TEP1: variants seen among roughly 807,000 people sequenced by gnomAD.
TEP1 encodes telomerase associated protein 1, also known as telomerase protein component 1.
Under a neutral mutation model 306.3 loss-of-function variants are expected in TEP1, and 241 were observed. The ratio of observed to expected loss-of-function variants is 0.79; its 90% CI spans 0.71 to 0.88. The LOEUF (loss-of-function observed/expected upper bound fraction) is 0.88. TEP1 is among the 40% of genes least tolerant of loss of function. The pLI is 0.00. For synonymous variants in TEP1, 1,289 were observed against 1,305.5 expected, an observed-to-expected ratio of 0.99 and a Z score of 0.27; for missense variants, 3,051 against 3,276.1, an observed-to-expected ratio of 0.93 and a Z score of 1.68.
chr14:20,386,686 C>A (rs1877191891), intron 18 of TEP1, 63 bp from the exon 19 acceptor site: 2 of 1,478,944 alleles, frequency 1.4e-6, no homozygotes, highest in Non-Finnish European at 1.8e-6. Flanking sequence ...TCCATAGACA[C>A]TGCTGTGATC....
intron 42 of TEP1, 105 bp downstream of exon 42, chr14:20,375,999 T>G: frequency 6.6e-7 from 1 of 1,512,408 alleles, no homozygotes. Flanking sequence ...TATACTAGAT[T>G]TGGCAAAACA....
intron 1 of TEP1, among the ~76,000 whole-genome samples, chr14:20,412,154 C>T (rs1349115731): frequency 2.6e-5 from 4 of 152,154 alleles, no homozygotes; most frequent in Non-Finnish European, 4.4e-5. Context: ...CACTGGACGT[C>T]AGTGTGACAA....
At position 20,365,894 on chromosome 14, in the gene TEP1, T is replaced by C. The variant is rs1378760253; in HGVS notation, c.*2543A>G. 1 of 152,240 alleles carries C rather than the reference T, an allele frequency of 6.6e-6. No homozygotes were observed. The highest frequency in any genetic ancestry group is 6.5e-5 in the Admixed American group (1 of 15,280). 9.4% of individuals were successfully genotyped at this position (152,240 alleles called of 1,614,324 possible). On this transcript the variant is annotated 3_prime_UTR_variant, in exon 55 of 55. Coordinates refer to ENST00000262715, the MANE Select transcript of TEP1 (RefSeq NM_007110.5). ...TTGGTATATAAAAAAGATGCTTTTCTAGATGGGTAGAAGAAAAGATTGTTC... is the reference window on the plus strand; with the variant it reads ...TTGGTATATAAAAAAGATGCTTTTCCAGATGGGTAGAAGAAAAGATTGTTC...
Position 20,409,971 on chromosome 14 carries a change from C to G in TEP1, c.-24-1508G>C, listed in dbSNP as rs141772830. On this transcript the variant is annotated intron_variant, in intron 1 of 54. Transcript: ENST00000262715. ...AGGGAGGCGGAGCTTGCAGTGAGCC[C>G]AGATTGGCCACTGCACTCCAGCCTG... Among the ~76,000 whole-genome samples the G allele has an allele frequency of 1.9e-3, 254 of 130,516 alleles. 4 individuals carry two copies. In the Middle Eastern group the frequency reaches 0.052, roughly 26 times the overall value. The allele number at this position is 130,516 out of a possible 152,430, so 85.6% of individuals were successfully genotyped here.
chr14:20,384,104 C>T lies in TEP1; in HGVS notation c.3468G>A (p.Leu1156=), dbSNP rs1195505075. 6.2e-7 allele frequency: 1 copy of T among 1,613,906 alleles called. No homozygotes were observed. Among genetic ancestry groups the T allele is most frequent in the Non-Finnish European group, 8.5e-7 (1 of 1,180,034 alleles). The change falls in exon 24 of 55, where the codon CTG becomes CTA. Residue 1156 remains leucine (L), a synonymous_variant. Transcript: ENST00000262715. The part of the protein sequence containing the change: ...PRLLQDTVQR[L]MLPHGRLSLV... ...GGCTCAGCCTTCCGTGGGGCAGCATCAGCCGTTGCACTGTGTCCTGAAGAA... is the reference window on the plus strand; with the variant it reads ...GGCTCAGCCTTCCGTGGGGCAGCATTAGCCGTTGCACTGTGTCCTGAAGAA...
intron 13 of TEP1, 73 bp from the exon 14 acceptor site, chr14:20,391,169 G>T: frequency 6.7e-7 from 1 of 1,503,382 alleles, no homozygotes. Context: ...CAGCCCTGGA[G>T]GCCAAACCCT....
At chr14:20,390,887 C>T in intron 14 of TEP1, 51 bp downstream of exon 14, 1 of 1,612,318 alleles carries the variant, frequency 6.2e-7, no homozygotes, top group African/African-American at 1.3e-5. Flanking sequence ...GGGCTATTCC[C>T]AGGCCTGTGT....
rs555193519 is a variant in TEP1, at chr14:20,376,163, C to T, written c.6190G>A (p.Val2064Met). The T allele has an allele frequency of 9.9e-6, 16 of 1,614,122 alleles. No homozygotes were observed. The highest frequency in any genetic ancestry group is 1.7e-5 in the Admixed American group (1 of 60,016). ...GTELRGHEGPVSCCSFSTDGG... is the reference protein window; with the variant it reads ...GTELRGHEGPMSCCSFSTDGG... ...TCAGTGCTGAAACTACAGCAGCTCA[C>T]AGGGCCCTCATGTCCCCGCAGCTCA... Residue 2064 changes from valine (V) to methionine (M), a missense_variant, in exon 42 of 55, where the codon GTG becomes ATG. This residue lies in a region of TEP1 where 1,540 missense variants were observed against 1,705.9 expected (regional missense o/e 0.90). Transcript: ENST00000262715.
chr14:20,365,873 T>G lies in TEP1; in HGVS notation c.*2564A>C, dbSNP rs938365832. The G allele has an allele frequency of 6.6e-6, 1 of 152,214 alleles. No individual in the cohort carries two copies. The allele number at this position is 152,214 out of a possible 1,614,324, so 9.4% of individuals were successfully genotyped here. A position where few individuals can be genotyped will look rare whatever the true frequency, so the allele number is the denominator to read the frequency against. ...TGTGGATATATGTGTAAAAATTTGG[T>G]ATATAAAAAAGATGCTTTTCTAGAT... On this transcript the variant is annotated 3_prime_UTR_variant, in exon 55 of 55. Coordinates refer to ENST00000262715, the MANE Select transcript of TEP1 (RefSeq NM_007110.5).
At position 20,386,647 on chromosome 14, in the gene TEP1, C is replaced by G. The variant is rs778024122; in HGVS notation, c.2685-24G>C. On this transcript the variant is annotated intron_variant, in intron 18 of 54. Transcript: ENST00000262715. ...ATCTGGGGATAAGCAGAGAGCTGGGCTCAGTCTAGGGATGATTCCCACCCC... is the reference window on the plus strand; with the variant it reads ...ATCTGGGGATAAGCAGAGAGCTGGGGTCAGTCTAGGGATGATTCCCACCCC... 4 of 1,567,734 alleles carry G rather than the reference C, an allele frequency of 2.6e-6. No individual in the cohort carries two copies. The African/African-American group carries it at 5.4e-5, about 21-fold the overall frequency.
At position 20,395,913 on chromosome 14, in the gene TEP1, A is replaced by C; in HGVS notation, c.1696T>G (p.Phe566Val). The change falls in exon 11 of 55, where the codon TTT (phenylalanine) becomes GTT (valine). Residue 566 changes from phenylalanine to valine, a missense_variant. By Grantham distance (50) the Phe-to-Val change is conservative. Around this residue, in one of 3 missense-constraint regions of TEP1, gnomAD observed 1,507 missense variants for 1,550.5 expected, o/e 0.97. Transcript: ENST00000262715. Reference sequence around the variant, plus strand: ...TCAATGGCATCATGGGCGTTAAGAAATCTGAATGGAAACTGCCGACTGTGG... The same window carrying C: ...TCAATGGCATCATGGGCGTTAAGAACTCTGAATGGAAACTGCCGACTGTGG... Reference protein sequence around the residue: ...VIHSRQFPFRFLNAHDAIDAL... With the variant: ...VIHSRQFPFRVLNAHDAIDAL... 1 of 1,614,086 alleles carries C rather than the reference A, an allele frequency of 6.2e-7. No homozygotes were observed. The highest frequency in any genetic ancestry group is 8.5e-7 in the Non-Finnish European group (1 of 1,179,974).
Position 20,375,841 on chromosome 14 carries a change from G to T in TEP1, c.6277C>A (p.Pro2093Thr). Residue 2093 changes from proline (P) to threonine (T), a missense_variant, in exon 43 of 55, where the codon CCC becomes ACC. By Grantham distance (38) the Pro-to-Thr change is conservative. Transcript: ENST00000262715. ...GAGTGGATCAAAACAGGGGTTTTGG[G>T]TGTCCTCACGTCCCAGCAGAGGAGA... ...RSLLCWDVRT[P>T]KTPVLIHSFP... The T allele has an allele frequency of 1.2e-6, 2 of 1,613,486 alleles. No homozygotes were observed. The highest frequency in any genetic ancestry group is 1.3e-5 in the African/African-American group (1 of 75,000).
At position 20,382,112 on chromosome 14, in the gene TEP1, C is replaced by T. The variant is rs200604255; in HGVS notation, c.4274-49G>A. 3.7e-4 allele frequency: 597 copies of T among 1,610,616 alleles called. 1 individual carries two copies. The East Asian group carries it at 4.8e-3, about 13-fold the overall frequency. The stretch of plus-strand genomic sequence containing the variant: ...CCCTCATCTAACCATACGGTGTCCC[C>T]GCCCCCACCACACCCAGTCTCTCCT... On this transcript the variant is annotated intron_variant, in intron 29 of 54. Transcript: ENST00000262715.
chr14:20,375,909 G>A, intron 42 of TEP1, 41 bp from the exon 43 acceptor site: 1 of 1,548,540 alleles, frequency 6.5e-7, no homozygotes, highest in Non-Finnish European at 8.9e-7. Flanking sequence ...AGGACCAAAG[G>A]AAGGATGGGA....
At chr14:20,398,223 CA>C (rs1878367957) in intron 9 of TEP1, among the ~76,000 whole-genome samples, 1 of 151,134 alleles carries the variant, frequency 6.6e-6, no homozygotes, top group African/African-American at 2.4e-5. Context: ...ACTAAAAATA[CA>C]AAAATTAGCC....
chr14:20,370,427 A>G (rs1162172102), intron 51 of TEP1, among the ~76,000 whole-genome samples: 2 of 152,202 alleles, frequency 1.3e-5, no homozygotes, highest in Non-Finnish European at 2.9e-5. Flanking sequence ...TTGAAACTTC[A>G]TTTAGGTGAA....
chr14:20,408,202 G>A lies in TEP1; in HGVS notation c.238C>T (p.Gln80Ter). Reference sequence around the variant, plus strand: ...AGGTCAGAAAGTGTGGCCAGGCACTGGTTCTCCAAGGAGAGGATGTCTGGG... The same window carrying A: ...AGGTCAGAAAGTGTGGCCAGGCACTAGTTCTCCAAGGAGAGGATGTCTGGG... ...AHPDILSLEN[Q>*]CLATLSDLKT... Residue 80 changes from glutamine (Q) to a stop codon, truncating the protein, a stop_gained, in exon 2 of 55, where the codon CAG becomes TAG. Transcript: ENST00000262715. LOFTEE classifies it high-confidence loss of function. The A allele has an allele frequency of 6.2e-7, 1 of 1,613,628 alleles. No homozygotes were observed. Among genetic ancestry groups the A allele is most frequent in the Non-Finnish European group, 8.5e-7 (1 of 1,179,570 alleles).
rs774020912 is a variant in TEP1, at chr14:20,377,594, C to T, written c.5875+6G>A. On this transcript the variant is annotated splice_donor_region_variant and intron_variant, in intron 40 of 54. Transcript: ENST00000262715. The stretch of plus-strand genomic sequence containing the variant: ...CTCAAAAACCCACCCATTCCCATTT[C>T]AGTACCTGAAGAGATTTTGTAGATC... 1.2e-6 allele frequency: 2 copies of T among 1,614,040 alleles called. No individual in the cohort carries two copies. Among genetic ancestry groups the T allele is most frequent in the East Asian group, 2.2e-5 (1 of 44,886 alleles).
intron 51 of TEP1, among the ~76,000 whole-genome samples, 198 bp from the exon 52 acceptor site, chr14:20,369,977 G>A (rs1471697182): frequency 5.4e-5 from 8 of 148,828 alleles, no homozygotes; most frequent in Admixed American, 3.4e-4. Context: ...GCAGTGGCGT[G>A]ATCTCGGTTC....
Sources: gnomAD v4.1 joint callset for allele counts (sites outside exome capture counted in the v4.1 genomes callset) on GRCh38, gnomAD v4.1.1 for gene constraint, gnomAD v4.1.1 regional missense constraint, MANE v1.5 for transcripts, NCBI Gene and HGNC (gene_info 2026-07-23, HGNC 2026-07-21) for gene names.